MAP3K7: variants seen among roughly 807,000 people sequenced by gnomAD.
MAP3K7 encodes the protein TGF-beta activated kinase 1.
Under a neutral mutation model 84.8 loss-of-function variants are expected in MAP3K7, and 21 were observed. The ratio of observed to expected loss-of-function variants is 0.25; its 90% CI spans 0.18 to 0.36. The LOEUF (loss-of-function observed/expected upper bound fraction) is 0.36. Ranked by LOEUF, MAP3K7 falls within the 10% of genes least tolerant of loss-of-function variation. The probability of loss-of-function intolerance (pLI) is 1.00; values close to 1 mark genes in which losing one functional copy is unlikely to be tolerated. For missense variants in MAP3K7, 503 were observed against 747.7 expected, an observed-to-expected ratio of 0.67 and a Z score of 3.82; for synonymous variants, 241 against 247.7, an observed-to-expected ratio of 0.97 and a Z score of 0.25.
intron 2 of MAP3K7, among the ~76,000 whole-genome samples, chr6:90,569,239 A>T (rs928518166): frequency 6.6e-5 from 10 of 152,024 alleles, no homozygotes; most frequent in African/African-American, 1.9e-4. Context: ...TCTGACTTAA[A>T]ATGTGCACTC....
At chr6:90,537,763 C>T (rs1380301446) in intron 12 of MAP3K7, among the ~76,000 whole-genome samples, 1 of 151,872 alleles carries the variant, frequency 6.6e-6, no homozygotes, top group Non-Finnish European at 1.5e-5. Context: ...TTCAACTACC[C>T]CTGTTTCCCA....
chr6:90,529,089 A>AAC (rs1355281161), intron 13 of MAP3K7, among the ~76,000 whole-genome samples: 1 of 152,136 alleles, frequency 6.6e-6, no homozygotes, highest in East Asian at 1.9e-4. Flanking sequence ...TGGAGTGCCT[A>AAC]ACAGTGTACT....
intron 7 of MAP3K7, 67 bp downstream of exon 7, chr6:90,553,391 G>T (rs1378340055): frequency 7.1e-7 from 1 of 1,407,100 alleles, no homozygotes; most frequent in Non-Finnish European, 9.9e-7. Flanking sequence ...TTAGGGAAGG[G>T]GACAGGAGTA....
chr6:90,586,699 G>C, intron 1 of MAP3K7, 65 bp downstream of exon 1: 3 of 1,536,378 alleles, frequency 2.0e-6, no homozygotes, highest in East Asian at 2.5e-5. Context: ...CTTCAGAGCC[G>C]GCACCAGGCA....
chr6:90,515,776 C>CA lies in MAP3K7; in HGVS notation c.*724dup. Reference sequence around the variant, plus strand: ...TTTACAGTTTCAACACACATACACACAATCACAGAATTAAAAATCTTTACT... The same window carrying CA: ...TTTACAGTTTCAACACACATACACACAAATCACAGAATTAAAAATCTTTACT... On this transcript the variant is annotated 3_prime_UTR_variant, in exon 17 of 17. Transcript: ENST00000369329. 1 of 151,920 alleles carries CA rather than the reference C, an allele frequency of 6.6e-6. No homozygotes were observed. Among genetic ancestry groups the CA allele is most frequent in the East Asian group, 1.9e-4 (1 of 5,156 alleles). The allele number at this position is 151,920 out of a possible 1,614,324, so 9.4% of individuals were successfully genotyped here. A position where few individuals can be genotyped will look rare whatever the true frequency, so the allele number is the denominator to read the frequency against.
intron 1 of MAP3K7, among the ~76,000 whole-genome samples, chr6:90,584,189 G>A (rs188941249): frequency 1.3e-5 from 2 of 152,108 alleles, no homozygotes; most frequent in Admixed American, 6.5e-5. Context: ...TTTGTTTCTG[G>A]TCATCTTCCT....
intron 12 of MAP3K7, among the ~76,000 whole-genome samples, chr6:90,541,921 T>G (rs1206098709): frequency 2.0e-5 from 3 of 152,018 alleles, no homozygotes; most frequent in Non-Finnish European, 4.4e-5. Context: ...TTCCAAGAAG[T>G]ACATTAGACT....
At chr6:90,525,486 G>A (rs1431122107) in intron 13 of MAP3K7, among the ~76,000 whole-genome samples, 1 of 152,050 alleles carries the variant, frequency 6.6e-6, no homozygotes, top group African/African-American at 2.4e-5. Flanking sequence ...ACTGTGCCTG[G>A]CCAACGATTC....
intron 1 of MAP3K7, among the ~76,000 whole-genome samples, chr6:90,586,325 T>C (rs1777450702): frequency 2.1e-5 from 3 of 142,852 alleles, no homozygotes; most frequent in South Asian, 2.2e-4. Flanking sequence ...TGAGCCGAGA[T>C]TGCGCCACTG....
intron 12 of MAP3K7, among the ~76,000 whole-genome samples, chr6:90,539,865 A>G (rs150130): frequency 0.7 from 105,898 of 151,614 alleles, 37,303 homozygotes; most frequent in Middle Eastern, 0.79. Flanking sequence ...TCTATTTTTC[A>G]GTTAAAATGT....
chr6:90,557,315 T>C (rs751510102), intron 5 of MAP3K7, among the ~76,000 whole-genome samples: 3 of 152,152 alleles, frequency 2.0e-5, no homozygotes, highest in Non-Finnish European at 2.9e-5. Context: ...GAAATAGAAA[T>C]GGGTAATATA....
At chr6:90,544,771 T>C (rs1039367579) in intron 11 of MAP3K7, 139 bp from the exon 12 acceptor site, 2 of 666,810 alleles carry the variant, frequency 3.0e-6, no homozygotes, top group African/African-American at 1.8e-5. Context: ...CAGAACTACC[T>C]AACTTTTCAT....
At chr6:90,526,271 C>T (rs754682811) in intron 13 of MAP3K7, among the ~76,000 whole-genome samples, 56 of 152,238 alleles carry the variant, frequency 3.7e-4, no homozygotes, top group African/African-American at 1.2e-3. Context: ...AGTGACTTTA[C>T]GCCTAGCAAA....
intron 1 of MAP3K7, among the ~76,000 whole-genome samples, chr6:90,582,640 T>G (rs955997047): frequency 2.6e-5 from 4 of 152,140 alleles, no homozygotes; most frequent in African/African-American, 9.7e-5. Flanking sequence ...AGAAAATTCA[T>G]CTTAGTGACT....
intron 8 of MAP3K7, 56 bp from the exon 9 acceptor site, chr6:90,550,605 T>C (rs1366855073): frequency 2.8e-6 from 3 of 1,086,550 alleles, no homozygotes; most frequent in South Asian, 2.7e-5. Flanking sequence ...AATTAAATCC[T>C]GATTAATGTT....
intron 1 of MAP3K7, among the ~76,000 whole-genome samples, chr6:90,573,075 G>A (rs2127985528): frequency 6.6e-6 from 1 of 152,228 alleles, no homozygotes; most frequent in Non-Finnish European, 1.5e-5. Flanking sequence ...CATTTACACA[G>A]GCCTAGAGGA....
chr6:90,557,817 T>C (rs1401388182), intron 5 of MAP3K7, among the ~76,000 whole-genome samples: 1 of 152,224 alleles, frequency 6.6e-6, no homozygotes, highest in African/African-American at 2.4e-5. Context: ...TAAATTATCT[T>C]TGTAGGCTTA....
At chr6:90,536,304 C>T (rs769443263) in intron 13 of MAP3K7, 33 bp downstream of exon 13, 2 of 1,559,546 alleles carry the variant, frequency 1.3e-6, no homozygotes, top group African/African-American at 1.4e-5. Context: ...GCCTAGTATT[C>T]TTCAAAGATA....
In MAP3K7 at chr6:90,519,303, A is replaced by C. The variant is rs1255385324; in HGVS notation, c.1479T>G (p.Asp493Glu). Residue 493 changes from aspartate (D) to glutamate (E), a missense_variant, in exon 15 of 17, where the codon GAT becomes GAG. Transcript: ENST00000369329. ...PDDSTDTNGS[D>E]NSIPMAYLTL... ...TAAGATAAGCCATTGGGATGGAGTT[A>C]TCTGATCCATTGGTATCTGGAATTC... The C allele has an allele frequency of 6.3e-7, 1 of 1,581,332 alleles. No individual in the cohort carries two copies. The highest frequency in any genetic ancestry group is 8.6e-7 in the Non-Finnish European group (1 of 1,165,516).
Sources: allele counts gnomAD v4.1 joint callset (sites outside exome capture counted in the v4.1 genomes callset), GRCh38; gene constraint gnomAD v4.1.1; transcripts MANE v1.5; gene names NCBI Gene and HGNC (gene_info 2026-07-23, HGNC 2026-07-21).